Variants in TF observed in about 807,000 individuals in gnomAD.
The protein encoded by TF is serotransferrin.
A neutral mutation model predicts 82.4 loss-of-function variants in TF; 55 were observed. The ratio of observed to expected loss-of-function variants is 0.67; its 90% CI spans 0.54 to 0.84. TF has a LOEUF of 0.84. Among genes scored for constraint, TF ranks in the 40% least tolerant of loss-of-function variants. TF has a pLI of 0.00. For synonymous variants in TF, 332 were observed against 332.6 expected, an observed-to-expected ratio of 1.00 and a Z score of 0.02; for missense variants, 737 against 868.4, an observed-to-expected ratio of 0.85 and a Z score of 1.90.
intron 14 of TF, among the ~76,000 whole-genome samples, chr3:133,771,697 A>C (rs1180180783): frequency 7.6e-6 from 1 of 132,198 alleles, no homozygotes; most frequent in Non-Finnish European, 1.5e-5. Context: ...AGATTGCGCC[A>C]CTGCAGTCCG....
the TF span, among the ~76,000 whole-genome samples, chr3:133,735,063 G>T: frequency 6.6e-6 from 1 of 152,106 alleles, no homozygotes; most frequent in Non-Finnish European, 1.5e-5. Flanking sequence ...AGTATTAGAT[G>T]ATAATAAGAA....
rs189035616 is a variant in TF, at chr3:133,784,883, C to A, written c.*6263C>A. On this transcript the variant is annotated 3_prime_UTR_variant, in exon 17 of 17. Transcript: ENST00000402696. The stretch of plus-strand genomic sequence containing the variant: ...ACATTTTCATATTCCAACCATTGTT[C>A]TGTGTGTGCATTTTATTTCTCACGA... The A allele has an allele frequency of 6.6e-6, 1 of 152,416 alleles. No individual in the cohort carries two copies. The highest frequency in any genetic ancestry group is 1.9e-4 in the East Asian group (1 of 5,188). 9.4% of individuals were successfully genotyped at this position (152,416 alleles called of 1,614,324 possible). A position where few individuals can be genotyped will look rare whatever the true frequency, so the allele number is the denominator to read the frequency against.
chr3:133,669,825 A>G, the TF span, among the ~76,000 whole-genome samples: 1 of 152,184 alleles, frequency 6.6e-6, no homozygotes, highest in African/African-American at 2.4e-5. Context: ...AAGATTTTGG[A>G]GCTTTGCTAT....
At chr3:133,684,051 C>G in the TF span, among the ~76,000 whole-genome samples, 1 of 152,228 alleles carries the variant, frequency 6.6e-6, no homozygotes, top group South Asian at 2.1e-4. Context: ...AAGAAACTCA[C>G]TCAAAACTGC....
At chr3:133,726,071 G>C in the TF span, among the ~76,000 whole-genome samples, 1 of 152,170 alleles carries the variant, frequency 6.6e-6, no homozygotes, top group African/African-American at 2.4e-5. Flanking sequence ...GTATTTTATT[G>C]AGGATTTTTG....
At chr3:133,702,363 T>A in the TF span, among the ~76,000 whole-genome samples, 1 of 152,026 alleles carries the variant, frequency 6.6e-6, no homozygotes, top group Non-Finnish European at 1.5e-5. Context: ...TAGGGTGACA[T>A]TCCGGGCTAT....
the TF span, among the ~76,000 whole-genome samples, chr3:133,727,081 G>A: frequency 6.6e-6 from 1 of 152,004 alleles, no homozygotes; most frequent in African/African-American, 2.4e-5. Flanking sequence ...GCAACTATGT[G>A]GTCAATTTTG....
chr3:133,753,217 A>G (rs1933725437), intron 2 of TF, among the ~76,000 whole-genome samples: 1 of 152,224 alleles, frequency 6.6e-6, no homozygotes, highest in Non-Finnish European at 1.5e-5. Flanking sequence ...AGTCCCCTCC[A>G]GAGACTGCAT....
intron 11 of TF, 98 bp from the exon 12 acceptor site, chr3:133,766,180 T>A: frequency 8.7e-7 from 1 of 1,146,598 alleles, no homozygotes; most frequent in African/African-American, 1.5e-5. Context: ...AATGACTGAT[T>A]GAGGATATCT....
chr3:133,670,867 A>G, the TF span, among the ~76,000 whole-genome samples: 1 of 152,222 alleles, frequency 6.6e-6, no homozygotes, highest in Non-Finnish European at 1.5e-5. Context: ...GCCAGGGGGA[A>G]TCTGGCTTTA....
the TF span, among the ~76,000 whole-genome samples, chr3:133,695,604 C>T: frequency 1.3e-5 from 2 of 152,198 alleles, no homozygotes; most frequent in African/African-American, 4.8e-5. Context: ...AATCTGGAAA[C>T]TCAAGTTGCC....
In TF at chr3:133,777,132, T is replaced by A; in HGVS notation, c.1956T>A (p.Asp652Glu). 1 of 1,614,192 alleles carries A rather than the reference T, an allele frequency of 6.2e-7. No homozygotes were observed. ...AAACCAAGGACCTTCTGTTCAGAGATGACACAGTATGTTTGGCCAAACTTC... is the reference window on the plus strand; with the variant it reads ...AAACCAAGGACCTTCTGTTCAGAGAAGACACAGTATGTTTGGCCAAACTTC... Reference protein sequence around the residue: ...RSETKDLLFRDDTVCLAKLHD... With the variant: ...RSETKDLLFREDTVCLAKLHD... The change falls in exon 16 of 17, where the codon GAT becomes GAA. Residue 652 changes from aspartate to glutamate, a missense_variant. Physicochemically the swap from Asp to Glu is conservative, Grantham distance 45. Transcript: ENST00000402696.
At chr3:133,664,780 G>C in the TF span, 1 of 151,152 alleles carries the variant, frequency 6.6e-6, no homozygotes, top group African/African-American at 2.4e-5. Flanking sequence ...TTTTTTTTCT[G>C]AATATTTTTG....
In TF at chr3:133,783,285, T is replaced by C. The variant is rs1260693770; in HGVS notation, c.*4665T>C. 1 of 152,138 alleles carries C rather than the reference T, an allele frequency of 6.6e-6. No individual in the cohort carries two copies. Among genetic ancestry groups the C allele is most frequent in the Non-Finnish European group, 1.5e-5 (1 of 68,016 alleles). The allele number at this position is 152,138 out of a possible 1,614,324, so 9.4% of individuals were successfully genotyped here. A position where few individuals can be genotyped will look rare whatever the true frequency, so the allele number is the denominator to read the frequency against. On this transcript the variant is annotated 3_prime_UTR_variant, in exon 17 of 17. Coordinates refer to ENST00000402696, the MANE Select transcript of TF (RefSeq NM_001063.4). The stretch of plus-strand genomic sequence containing the variant: ...GGAAATAATGAAGCAGAATAAAAGT[T>C]CCAGATATTAAATGCAAATGAGAAT...
chr3:133,775,198 G>T (rs1934355308), intron 14 of TF: 1 of 587,110 alleles, frequency 1.7e-6, no homozygotes, highest in East Asian at 2.9e-5. Flanking sequence ...TCACCTGGCT[G>T]GGTAGGGAAG....
In TF at chr3:133,780,776, G is replaced by C. The variant is rs1217068129; in HGVS notation, c.*2156G>C. 2.0e-5 allele frequency: 3 copies of C among 152,186 alleles called. No homozygotes were observed. The highest frequency in any genetic ancestry group is 7.2e-5 in the African/African-American group (3 of 41,436). 9.4% of individuals were successfully genotyped at this position (152,186 alleles called of 1,614,324 possible). ...GCCTATAATCCCAGCATTTTGGGAG[G>C]CTGAGGTGGGTGGATCACCTGAGGT... On this transcript the variant is annotated 3_prime_UTR_variant, in exon 17 of 17. Transcript: ENST00000402696.
At chr3:133,730,652 T>A in the TF span, among the ~76,000 whole-genome samples, 1 of 150,342 alleles carries the variant, frequency 6.7e-6, no homozygotes, top group African/African-American at 2.5e-5. Context: ...GAGCAAATAA[T>A]TAATGTTTAA....
chr3:133,666,733 G>A, the TF span, among the ~76,000 whole-genome samples: 1 of 151,966 alleles, frequency 6.6e-6, no homozygotes, highest in Non-Finnish European at 1.5e-5. Context: ...CAAAAATAAA[G>A]AGAATTTAAA....
At chr3:133,707,711 A>G in the TF span, 1 of 152,242 alleles carries the variant, frequency 6.6e-6, no homozygotes, top group Non-Finnish European at 1.5e-5. Flanking sequence ...GAGCCGCATT[A>G]TCGTCTAATT....
Sources: gnomAD v4.1 joint callset for allele counts (sites outside exome capture counted in the v4.1 genomes callset) on GRCh38, gnomAD v4.1.1 for gene constraint, MANE v1.5 for transcripts, NCBI Gene and HGNC (gene_info 2026-07-23, HGNC 2026-07-21) for gene names.